Variants in SLC6A11 observed in about 807,000 individuals in gnomAD.
SLC6A11 encodes sodium- and chloride-dependent GABA transporter 3.
Under a neutral mutation model 74.8 loss-of-function variants are expected in SLC6A11, and 25 were observed. The observed-to-expected ratio is 0.33, with a 90% CI of 0.24 to 0.47. The LOEUF (loss-of-function observed/expected upper bound fraction) is 0.47, where lower values mean the gene tolerates loss of function less well. Ranked by LOEUF, SLC6A11 falls within the 20% of genes least tolerant of loss-of-function variation. The pLI is 1.00. For missense variants in SLC6A11, 574 were observed against 837.0 expected (o/e 0.69, Z 3.88); for synonymous variants, 330 against 330.2 (o/e 1.00, Z 0.01).
intron 5 of SLC6A11, among the ~76,000 whole-genome samples, chr3:10,846,670 A>G (rs1013830212): frequency 6.6e-6 from 1 of 152,122 alleles, no homozygotes; most frequent in Non-Finnish European, 1.5e-5. Flanking sequence ...GATCTTGGAG[A>G]TTTCACAAGA....
intron 11 of SLC6A11, among the ~76,000 whole-genome samples, chr3:10,933,464 G>T (rs1261090215): frequency 6.6e-6 from 1 of 152,172 alleles, no homozygotes; most frequent in Non-Finnish European, 1.5e-5. Flanking sequence ...CAGGGCTCAG[G>T]CACTATGATC....
chr3:10,887,489 A>C (rs1264324508), intron 6 of SLC6A11, among the ~76,000 whole-genome samples: 1 of 152,168 alleles, frequency 6.6e-6, no homozygotes, highest in Non-Finnish European at 1.5e-5. Flanking sequence ...TCTGTCACCC[A>C]GGCTGGAGTA....
At chr3:10,925,581 C>T (rs2106633407) in intron 8 of SLC6A11, among the ~76,000 whole-genome samples, 1 of 152,350 alleles carries the variant, frequency 6.6e-6, no homozygotes, top group South Asian at 2.1e-4. Flanking sequence ...TTTCTCCAGC[C>T]TGGACCCGAC....
At chr3:10,826,327 G>A (rs1299851082) in intron 4 of SLC6A11, among the ~76,000 whole-genome samples, 1 of 152,202 alleles carries the variant, frequency 6.6e-6, no homozygotes, top group Non-Finnish European at 1.5e-5. Flanking sequence ...TGGGCTGGGT[G>A]GGCCTGTGTG....
At chr3:10,851,175 C>T (rs941611589) in intron 5 of SLC6A11, among the ~76,000 whole-genome samples, 9 of 152,000 alleles carry the variant, frequency 5.9e-5, no homozygotes, top group African/African-American at 2.2e-4. Context: ...CTGTCCTTCT[C>T]TTGGTGGATG....
chr3:10,846,675 A>C (rs1024349036), intron 5 of SLC6A11, among the ~76,000 whole-genome samples: 3 of 152,206 alleles, frequency 2.0e-5, no homozygotes, highest in Non-Finnish European at 4.4e-5. Flanking sequence ...TGGAGATTTC[A>C]CAAGAGGCTT....
chr3:10,873,065 T>G (rs1333189228), intron 5 of SLC6A11, among the ~76,000 whole-genome samples: 1 of 152,152 alleles, frequency 6.6e-6, no homozygotes, highest in Non-Finnish European at 1.5e-5. Flanking sequence ...CACTGACTCC[T>G]GCAGGGACCT....
intron 6 of SLC6A11, among the ~76,000 whole-genome samples, chr3:10,881,504 C>T (rs1175541833): frequency 1.3e-5 from 2 of 152,204 alleles, no homozygotes; most frequent in Non-Finnish European, 2.9e-5. Context: ...TGGAAAGGTC[C>T]ACTGGGAAAG....
intron 8 of SLC6A11, among the ~76,000 whole-genome samples, chr3:10,920,246 ACTTTTT>A (rs988287896): frequency 1.3e-5 from 2 of 152,324 alleles, no homozygotes; most frequent in Middle Eastern, 3.4e-3. Flanking sequence ...TAAATTTTGG[ACTTTTT>A]CTTATTCAAA....
At position 10,938,546 on chromosome 3, in the gene SLC6A11, T is replaced by C. The variant is rs187214629; in HGVS notation, c.*144T>C. Reference sequence around the variant, plus strand: ...AACAAGTTAATTTTAAGGTGGCCACTGTACACTGCTCTAAAGTCATATCCC... The same window carrying C: ...AACAAGTTAATTTTAAGGTGGCCACCGTACACTGCTCTAAAGTCATATCCC... On this transcript the variant is annotated 3_prime_UTR_variant, in exon 14 of 14. Transcript: ENST00000254488. 87 of 747,128 alleles carry C rather than the reference T, an allele frequency of 1.2e-4. No homozygotes were observed. In the African/African-American group the frequency reaches 1.5e-3, roughly 12 times the overall value. The allele number at this position is 747,128 out of a possible 1,614,324, so 46.3% of individuals were successfully genotyped here. A position where few individuals can be genotyped will look rare whatever the true frequency, so the allele number is the denominator to read the frequency against.
chr3:10,855,363 C>A (rs1336620091), intron 5 of SLC6A11, among the ~76,000 whole-genome samples: 2 of 152,162 alleles, frequency 1.3e-5, no homozygotes, highest in Non-Finnish European at 2.9e-5. Context: ...GAATACTGTA[C>A]AGACCCAGAT....
chr3:10,892,338 C>T (rs568266511), intron 6 of SLC6A11, among the ~76,000 whole-genome samples: 8 of 152,306 alleles, frequency 5.3e-5, no homozygotes, highest in Non-Finnish European at 7.4e-5. Flanking sequence ...GTCTCAGTGA[C>T]GTTCCAAACA....
In SLC6A11 at chr3:10,905,864, C is replaced by T. The variant is rs2106622658; in HGVS notation, c.892-6226C>T. ...CATGTGTCTCAGCAGAAAAGCTGAT[C>T]TCAACATTGGTTTTTCAATTGTGAA... On this transcript the variant is annotated intron_variant, in intron 6 of 13. Coordinates refer to ENST00000254488, the MANE Select transcript of SLC6A11 (RefSeq NM_014229.3). Among the ~76,000 whole-genome samples, 4 of 152,272 alleles carry T rather than the reference C, an allele frequency of 2.6e-5. 2 individuals are homozygous for T. Among genetic ancestry groups the T allele is most frequent in the Admixed American group, 2.6e-4 (4 of 15,310 alleles).
At chr3:10,847,546 C>G (rs865880031) in intron 5 of SLC6A11, among the ~76,000 whole-genome samples, 6 of 152,174 alleles carry the variant, frequency 3.9e-5, no homozygotes, top group Non-Finnish European at 5.9e-5. Context: ...CTGCCTCTGC[C>G]CTTATTTTAT....
At chr3:10,831,872 A>T (rs1301637996) in intron 4 of SLC6A11, among the ~76,000 whole-genome samples, 2 of 152,312 alleles carry the variant, frequency 1.3e-5, no homozygotes, top group East Asian at 3.9e-4. Flanking sequence ...CGGCAGAAAT[A>T]TCTAGCCCTG....
At chr3:10,851,728 A>T (rs754163108) in intron 5 of SLC6A11, among the ~76,000 whole-genome samples, 9 of 152,340 alleles carry the variant, frequency 5.9e-5, no homozygotes, top group Non-Finnish European at 1.2e-4. Flanking sequence ...AAGCCTTAAG[A>T]TCATGGGGGG....
At chr3:10,907,738 A>AG (rs1378449907) in intron 6 of SLC6A11, among the ~76,000 whole-genome samples, 1 of 152,236 alleles carries the variant, frequency 6.6e-6, no homozygotes, top group Non-Finnish European at 1.5e-5. Context: ...ACTCAGGAAA[A>AG]GAAAAAGAGA....
intron 4 of SLC6A11, among the ~76,000 whole-genome samples, chr3:10,834,308 G>A (rs1694337788): frequency 6.6e-6 from 1 of 151,932 alleles, no homozygotes; most frequent in Non-Finnish European, 1.5e-5. Context: ...CCTCTCTGCA[G>A]CCCTGTGGAC....
intron 6 of SLC6A11, among the ~76,000 whole-genome samples, chr3:10,907,334 G>A (rs1695317863): frequency 6.6e-6 from 1 of 152,090 alleles, no homozygotes; most frequent in African/African-American, 2.4e-5. Flanking sequence ...GAGGAAAAAT[G>A]TAAAAATAAA....
Sources: allele counts gnomAD v4.1 joint callset (sites outside exome capture counted in the v4.1 genomes callset), GRCh38; gene constraint gnomAD v4.1.1; transcripts MANE v1.5; gene names NCBI Gene and HGNC (gene_info 2026-07-23, HGNC 2026-07-21).